LIN28B: variants seen among roughly 807,000 people sequenced by gnomAD.
LIN28B encodes protein lin-28 homolog B.
In LIN28B, 5 loss-of-function variants were observed where a neutral mutation model predicts 21.9. The observed-to-expected ratio is 0.23, with a 90% CI of 0.12 to 0.48. LIN28B has a LOEUF of 0.48. Ranked by LOEUF, LIN28B falls within the 20% of genes least tolerant of loss-of-function variation. The pLI is 0.98. For missense variants in LIN28B, 245 were observed against 310.5 expected, an observed-to-expected ratio of 0.79 and a Z score of 1.58; for synonymous variants, 109 against 111.3, an observed-to-expected ratio of 0.98 and a Z score of 0.13.
intron 3 of LIN28B, among the ~76,000 whole-genome samples, chr6:105,030,035 T>G (rs1771387349): frequency 6.6e-6 from 1 of 152,210 alleles, no homozygotes; most frequent in South Asian, 2.1e-4. Flanking sequence ...TTACTCTTAC[T>G]GTGTGTCTTA....
At chr6:104,988,014 G>C (rs532842245) in intron 2 of LIN28B, among the ~76,000 whole-genome samples, 1 of 152,270 alleles carries the variant, frequency 6.6e-6, no homozygotes, top group East Asian at 1.9e-4. Flanking sequence ...AAAGTGCTGG[G>C]ATTACAGGCA....
intron 3 of LIN28B, among the ~76,000 whole-genome samples, chr6:105,066,370 A>G (rs1772220306): frequency 6.6e-6 from 1 of 152,216 alleles, no homozygotes; most frequent in South Asian, 2.1e-4. Context: ...TGAATAACCC[A>G]GAAGATATTT....
chr6:105,020,883 G>A (rs1276720606), intron 2 of LIN28B, among the ~76,000 whole-genome samples: 2 of 151,192 alleles, frequency 1.3e-5, no homozygotes, highest in African/African-American at 2.4e-5. Context: ...TTCCCGAGTA[G>A]CTGGGACTAC....
chr6:105,065,267 G>A (rs1772199885), intron 3 of LIN28B, among the ~76,000 whole-genome samples: 1 of 152,208 alleles, frequency 6.6e-6, no homozygotes, highest in African/African-American at 2.4e-5. Context: ...CAGTCAGCAA[G>A]GAGGAGGAAA....
At chr6:104,983,869 C>T (rs566834365) in intron 2 of LIN28B, among the ~76,000 whole-genome samples, 1 of 152,320 alleles carries the variant, frequency 6.6e-6, no homozygotes, top group East Asian at 1.9e-4. Flanking sequence ...AGCCACCATG[C>T]CTGGTCGATT....
chr6:105,005,675 T>G (rs1331758896), intron 2 of LIN28B, among the ~76,000 whole-genome samples: 1 of 152,158 alleles, frequency 6.6e-6, no homozygotes, highest in African/African-American at 2.4e-5. Flanking sequence ...CTGCCATGAC[T>G]GTAAGTTTCT....
chr6:104,988,133 C>T (rs1251356860), intron 2 of LIN28B, among the ~76,000 whole-genome samples: 2 of 152,134 alleles, frequency 1.3e-5, no homozygotes, highest in East Asian at 3.8e-4. Context: ...TTCTCTTGCT[C>T]GCAACTCGGG....
chr6:104,979,530 C>T (rs966328730), intron 2 of LIN28B, among the ~76,000 whole-genome samples: 4 of 151,762 alleles, frequency 2.6e-5, no homozygotes, highest in Non-Finnish European at 4.4e-5. Context: ...TAAAATCACC[C>T]ATTATTCTAT....
At chr6:105,067,057 A>G (rs1772232998) in intron 3 of LIN28B, among the ~76,000 whole-genome samples, 1 of 152,148 alleles carries the variant, frequency 6.6e-6, no homozygotes. Context: ...CTGGTGAAAA[A>G]AGCAAGCAGC....
chr6:105,055,974 C>T (rs936215806), intron 3 of LIN28B, among the ~76,000 whole-genome samples: 9 of 133,782 alleles, frequency 6.7e-5, no homozygotes, highest in Admixed American at 1.7e-4. Context: ...GTTGCCCAGG[C>T]TGGACTGAAC....
chr6:105,014,552 A>T (rs1770988147), intron 2 of LIN28B, among the ~76,000 whole-genome samples: 1 of 152,106 alleles, frequency 6.6e-6, no homozygotes, highest in African/African-American at 2.4e-5. Context: ...TGAACTCCTG[A>T]CCTCAGGTGA....
intron 2 of LIN28B, among the ~76,000 whole-genome samples, chr6:105,014,007 T>G (rs314273): frequency 0.64 from 98,045 of 152,020 alleles, 31,893 homozygotes; most frequent in South Asian, 0.71. Flanking sequence ...CTGACTTTTA[T>G]CTGTCTTTAC....
chr6:105,013,733 A>C (rs1277982704), intron 2 of LIN28B, among the ~76,000 whole-genome samples: 1 of 152,180 alleles, frequency 6.6e-6, no homozygotes, highest in Non-Finnish European at 1.5e-5. Flanking sequence ...CAAAAAAAAA[A>C]AAAAAATTTA....
rs1311933346 is a variant in LIN28B at position 104,984,097 on chromosome 6, T to C, written c.198+25811T>C. Among the ~76,000 whole-genome samples, 3 of 152,322 alleles carry C rather than the reference T, an allele frequency of 2.0e-5. No individual in the cohort carries two copies. In the East Asian group the frequency reaches 5.8e-4, roughly 29 times the overall value. On this transcript the variant is annotated intron_variant, in intron 2 of 3. Transcript: ENST00000345080. Reference sequence around the variant, plus strand: ...AACAGCTGCCTAAAATTCTTCCTACTGAAGACCACACCTTTTATTCTACAA... The same window carrying C: ...AACAGCTGCCTAAAATTCTTCCTACCGAAGACCACACCTTTTATTCTACAA...
At chr6:105,051,868 G>A (rs368061109) in intron 3 of LIN28B, among the ~76,000 whole-genome samples, 1 of 152,208 alleles carries the variant, frequency 6.6e-6, no homozygotes, top group African/African-American at 2.4e-5. Context: ...ATTTTAGAAT[G>A]TGAGGCAAAT....
intron 3 of LIN28B, among the ~76,000 whole-genome samples, chr6:105,047,624 A>G (rs1771798184): frequency 6.6e-6 from 1 of 152,060 alleles, no homozygotes; most frequent in Admixed American, 6.5e-5. Context: ...GGCCATTTTC[A>G]CGATATTGAT....
intron 3 of LIN28B, among the ~76,000 whole-genome samples, chr6:105,039,039 G>A (rs1771579596): frequency 6.6e-6 from 1 of 152,150 alleles, no homozygotes; most frequent in Non-Finnish European, 1.5e-5. Context: ...GATTTTTCAT[G>A]GCAGTGTTTT....
rs926519846 is a variant in LIN28B at position 104,994,242 on chromosome 6, G to C, written c.199-32056G>C. On this transcript the variant is annotated intron_variant, in intron 2 of 3. Transcript: ENST00000345080. ...GTTGGTCTCGATCTCCTGACCTCGTGATCCGCCCGCCTCGGCCTCCCAAAT... is the reference window on the plus strand; with the variant it reads ...GTTGGTCTCGATCTCCTGACCTCGTCATCCGCCCGCCTCGGCCTCCCAAAT... Among the ~76,000 whole-genome samples, 25 of 152,038 alleles carry C rather than the reference G, an allele frequency of 1.6e-4. 1 individual carries two copies. The highest frequency in any genetic ancestry group is 2.9e-5 in the Non-Finnish European group (2 of 68,008).
intron 3 of LIN28B, among the ~76,000 whole-genome samples, chr6:105,070,915 CA>C: frequency 6.6e-6 from 1 of 152,252 alleles, no homozygotes; most frequent in South Asian, 2.1e-4. Context: ...CTTGCTCTGT[CA>C]CCCAGGCTGG....
Sources: gnomAD v4.1 joint callset for allele counts (sites outside exome capture counted in the v4.1 genomes callset) on GRCh38, gnomAD v4.1.1 for gene constraint, MANE v1.5 for transcripts, NCBI Gene and HGNC (gene_info 2026-07-23, HGNC 2026-07-21) for gene names.